The following NCKAP5 variants were observed in gnomAD, a reference collection of about 807,000 sequenced individuals.
NCKAP5 encodes the protein NCK associated protein 5.
A neutral mutation model predicts 167.0 loss-of-function variants in NCKAP5; 92 were observed. That is an observed-to-expected ratio of 0.55 (90% CI 0.47 to 0.66). The LOEUF (loss-of-function observed/expected upper bound fraction) is 0.66, where lower values mean the gene tolerates loss of function less well. Ranked by LOEUF, NCKAP5 falls within the 30% of genes least tolerant of loss-of-function variation. The pLI is 0.00. For missense variants in NCKAP5, 2,378 were observed against 2,315.0 expected (o/e 1.03, Z -0.56); for synonymous variants, 891 against 877.4 (o/e 1.02, Z -0.27).
chr2:132,975,622 G>A (rs2076956319), intron 7 of NCKAP5, among the ~76,000 whole-genome samples: 1 of 152,146 alleles, frequency 6.6e-6, no homozygotes, highest in Admixed American at 6.5e-5. Context: ...CCAGGTGGCT[G>A]GACATCTAAG....
chr2:133,634,876 T>C, the NCKAP5 span, among the ~76,000 whole-genome samples: 1 of 147,606 alleles, frequency 6.8e-6, no homozygotes, highest in African/African-American at 2.5e-5. Context: ...TTTTCTTTCT[T>C]TTTTTTTTTT....
At chr2:132,848,888 C>T (rs1459438130) in intron 11 of NCKAP5, among the ~76,000 whole-genome samples, 1 of 152,080 alleles carries the variant, frequency 6.6e-6, no homozygotes, top group Non-Finnish European at 1.5e-5. Flanking sequence ...CTAAAAACAA[C>T]TGTTTTTTTT....
the NCKAP5 span, among the ~76,000 whole-genome samples, chr2:133,588,262 C>T: frequency 1.6e-5 from 1 of 60,918 alleles, no homozygotes; most frequent in Admixed American, 1.3e-4. Context: ...ATTCCTTTTT[C>T]CTCCCTCCCT....
chr2:132,943,903 G>A (rs1415026413), intron 8 of NCKAP5, among the ~76,000 whole-genome samples: 3 of 152,170 alleles, frequency 2.0e-5, no homozygotes, highest in Admixed American at 6.5e-5. Flanking sequence ...AGCCTCCTGG[G>A]GCTGGGTGAA....
chr2:133,600,047 C>T, the NCKAP5 span, among the ~76,000 whole-genome samples: 1 of 152,324 alleles, frequency 6.6e-6, no homozygotes, highest in Non-Finnish European at 1.5e-5. Flanking sequence ...GCCAGGTTTG[C>T]CTACTGTGCA....
the NCKAP5 span, among the ~76,000 whole-genome samples, chr2:133,603,826 C>T: frequency 1.3e-5 from 2 of 152,188 alleles, no homozygotes; most frequent in Non-Finnish European, 1.5e-5. Context: ...CGTGAGCCAC[C>T]GCTCCCAGCC....
At chr2:133,109,161 C>T (rs1271428503) in intron 6 of NCKAP5, among the ~76,000 whole-genome samples, 1 of 152,162 alleles carries the variant, frequency 6.6e-6, no homozygotes, top group African/African-American at 2.4e-5. Flanking sequence ...ACAATATAAG[C>T]TTCCTGAGCA....
At chr2:132,692,546 G>T (rs1269586958) in intron 19 of NCKAP5, among the ~76,000 whole-genome samples, 2 of 149,452 alleles carry the variant, frequency 1.3e-5, no homozygotes, top group Admixed American at 6.7e-5. Context: ...TCTCAAACTT[G>T]CTCCATCCAC....
the NCKAP5 span, among the ~76,000 whole-genome samples, chr2:133,623,249 T>C: frequency 9.9e-5 from 15 of 152,260 alleles, no homozygotes; most frequent in East Asian, 2.9e-3. Context: ...AGGCAAAGAC[T>C]TCATGACCAA....
intron 5 of NCKAP5, among the ~76,000 whole-genome samples, chr2:133,160,439 C>T (rs2874297): frequency 0.14 from 6,561 of 48,266 alleles, 627 homozygotes; most frequent in African/African-American, 0.45. Context: ...CTTTCTTTTT[C>T]TTTTTTTTTT....
intron 6 of NCKAP5, among the ~76,000 whole-genome samples, chr2:133,049,937 A>C (rs942544063): frequency 1.3e-5 from 2 of 152,362 alleles, no homozygotes; most frequent in Admixed American, 6.5e-5. Context: ...ATGGGGACAA[A>C]GGAGACATTC....
At chr2:133,098,255 C>T (rs910087209) in intron 6 of NCKAP5, among the ~76,000 whole-genome samples, 1 of 152,174 alleles carries the variant, frequency 6.6e-6, no homozygotes, top group African/African-American at 2.4e-5. Flanking sequence ...AACTTGAATG[C>T]TATTGTTAAT....
the NCKAP5 span, among the ~76,000 whole-genome samples, chr2:133,580,515 G>C: frequency 3.3e-5 from 5 of 152,100 alleles, no homozygotes; most frequent in African/African-American, 4.8e-5. Flanking sequence ...ATAATTTGGG[G>C]GGATGTCTGC....
At chr2:133,169,898 T>A (rs1205531304) in intron 5 of NCKAP5, among the ~76,000 whole-genome samples, 1 of 152,212 alleles carries the variant, frequency 6.6e-6, no homozygotes. Context: ...AAGGCATCCC[T>A]GTGCCACTTA....
chr2:133,571,300 G>A (rs928239610), upstream of NCKAP5, among the ~76,000 whole-genome samples: 4 of 152,014 alleles, frequency 2.6e-5, no homozygotes, highest in South Asian at 2.1e-4. Flanking sequence ...ATACCTTCCC[G>A]AGGGAGAGTT....
intron 6 of NCKAP5, among the ~76,000 whole-genome samples, chr2:133,077,814 T>TA (rs887291308): frequency 2.6e-5 from 4 of 152,164 alleles, no homozygotes; most frequent in African/African-American, 9.6e-5. Flanking sequence ...TCTTCCTTTT[T>TA]AAAATGAAGC....
intron 5 of NCKAP5, among the ~76,000 whole-genome samples, chr2:133,149,739 A>G (rs2083319429): frequency 6.6e-6 from 1 of 152,174 alleles, no homozygotes; most frequent in Non-Finnish European, 1.5e-5. Flanking sequence ...AGGTATTGCC[A>G]TTCAATTCAG....
rs72842478 is a variant in NCKAP5 at position 133,169,252 on chromosome 2, C to T, written c.208-39141G>A. On this transcript the variant is annotated intron_variant, in intron 5 of 19. Coordinates refer to ENST00000409261, the MANE Select transcript of NCKAP5 (RefSeq NM_207363.3). ...CATATCAAGTGCTGTCACTATTTGC[C>T]GTTCCATTCTAGAATTCCACCACCT... is the stretch of plus-strand genomic sequence containing the variant. Among the ~76,000 whole-genome samples the T allele has an allele frequency of 5.4e-3, 828 of 152,248 alleles. 3 individuals are homozygous for T. The highest frequency in any genetic ancestry group is 1.0e-2 in the Non-Finnish European group (677 of 68,028).
chr2:133,315,595 A>T (rs1255839832), intron 3 of NCKAP5, among the ~76,000 whole-genome samples: 2 of 152,004 alleles, frequency 1.3e-5, no homozygotes, highest in Non-Finnish European at 2.9e-5. Flanking sequence ...GAACCACAGT[A>T]AAGAAAAAAG....
Sources: gnomAD v4.1 joint callset for allele counts (sites outside exome capture counted in the v4.1 genomes callset) on GRCh38, gnomAD v4.1.1 for gene constraint, MANE v1.5 for transcripts, NCBI Gene and HGNC (gene_info 2026-07-23, HGNC 2026-07-21) for gene names.